IFI16: variants seen among roughly 807,000 people sequenced by gnomAD.
The protein encoded by IFI16 is interferon gamma inducible protein 16.
A neutral mutation model predicts 68.4 loss-of-function variants in IFI16; 49 were observed. The observed-to-expected ratio is 0.72, with a 90% CI of 0.57 to 0.91. The LOEUF is 0.91. Ranked by LOEUF, IFI16 falls within the 40% of genes least tolerant of loss-of-function variation. The pLI is 0.00. For missense variants in IFI16, 878 were observed against 942.9 expected, an observed-to-expected ratio of 0.93 and a Z score of 0.90; for synonymous variants, 307 against 315.0, an observed-to-expected ratio of 0.97 and a Z score of 0.27.
chr1:159,015,943 A>C lies in IFI16; in HGVS notation c.337A>C (p.Ser113Arg), dbSNP rs954756922. 1 of 1,614,090 alleles carries C rather than the reference A, an allele frequency of 6.2e-7. No homozygotes were observed. The change falls in exon 3 of 12, where the codon AGC becomes CGC. Residue 113 changes from serine (S) to arginine (R), a missense_variant. By Grantham distance (110) the Ser-to-Arg change is moderately radical. Coordinates refer to ENST00000295809, the MANE Select transcript of IFI16 (RefSeq NM_001376587.1). ...DATSPAPSTS[S>R]TVKTEGAEAT... is the part of the protein sequence containing the mutation. ...TACTTCACCTGCACCCTCCACAAGC[A>C]GCACTGTCAAAACTGAAGGAGCAGA...
At chr1:159,008,593 C>T (rs967569209), upstream of IFI16, among the ~76,000 whole-genome samples, 1 of 152,118 alleles carries the variant, frequency 6.6e-6, no homozygotes, top group Non-Finnish European at 1.5e-5. Flanking sequence ...GGGTTCTCTA[C>T]CCTTTGACCT....
At chr1:159,043,465 C>CTT (rs1365157752) in intron 7 of IFI16, among the ~76,000 whole-genome samples, 1 of 152,206 alleles carries the variant, frequency 6.6e-6, no homozygotes, top group Non-Finnish European at 1.5e-5. Context: ...TCCACCTAAA[C>CTT]ATACACCACG....
At chr1:159,034,851 C>A (rs950721071) in intron 7 of IFI16, among the ~76,000 whole-genome samples, 8 of 152,170 alleles carry the variant, frequency 5.3e-5, no homozygotes, top group African/African-American at 1.4e-4. Context: ...GTAGCGTCTA[C>A]CCCAGAGGAA....
upstream of IFI16, among the ~76,000 whole-genome samples, chr1:159,003,529 G>A (rs910797915): frequency 3.9e-5 from 6 of 152,054 alleles, no homozygotes; most frequent in South Asian, 2.1e-4. Flanking sequence ...CTGGAATCAC[G>A]TTTTGGCTCT....
chr1:159,013,011 T>A (rs2101801811), intron 1 of IFI16, among the ~76,000 whole-genome samples: 1 of 152,282 alleles, frequency 6.6e-6, no homozygotes, highest in South Asian at 2.1e-4. Flanking sequence ...TGAATCTTTG[T>A]AGGTGATCTA....
At chr1:159,051,462 T>C (rs1655352154) in intron 9 of IFI16, among the ~76,000 whole-genome samples, 1 of 152,236 alleles carries the variant, frequency 6.6e-6, no homozygotes, top group Non-Finnish European at 1.5e-5. Flanking sequence ...TCCACTCTCA[T>C]AAAACAATGA....
intron 7 of IFI16, among the ~76,000 whole-genome samples, chr1:159,034,319 C>G (rs571216682): frequency 6.6e-6 from 1 of 152,086 alleles, no homozygotes; most frequent in Non-Finnish European, 1.5e-5. Flanking sequence ...CATTGAGACC[C>G]TACTAGTCTC....
chr1:159,045,930 A>G lies in IFI16; in HGVS notation c.1497+466A>G, dbSNP rs149691876. Among the ~76,000 whole-genome samples, 1,428 of 151,228 alleles carry G rather than the reference A, an allele frequency of 9.4e-3. 59 individuals carry two copies. The highest frequency in any genetic ancestry group is 0.014 in the Non-Finnish European group (964 of 67,544). On this transcript the variant is annotated intron_variant, in intron 8 of 11. Transcript: ENST00000295809. Reference sequence around the variant, plus strand: ...TTTATCTAATGCCACATTTCAGTACATGGTCTTTCTGACTTTACACCTTTC... The same window carrying G: ...TTTATCTAATGCCACATTTCAGTACGTGGTCTTTCTGACTTTACACCTTTC...
rs1655483267 is a variant in IFI16 at position 159,053,495 on chromosome 1, T to A, written c.2086-38T>A. 7.1e-6 allele frequency: 10 copies of A among 1,408,110 alleles called. No homozygotes were observed. The East Asian group carries it at 2.3e-4, about 32-fold the overall frequency. The allele number at this position is 1,408,110 out of a possible 1,614,324, so 87.2% of individuals were successfully genotyped here. ...TTCTCATAGATTTGAAAATTATTGA[T>A]CCAGTTTCAGAAGATAAGTGTTAAT... On this transcript the variant is annotated intron_variant, in intron 10 of 11. Coordinates refer to ENST00000295809, the MANE Select transcript of IFI16 (RefSeq NM_001376587.1).
Position 159,018,220 on chromosome 1 carries a change from C to A in IFI16, c.550-9C>A. 1 of 1,610,784 alleles carries A rather than the reference C, an allele frequency of 6.2e-7. No individual in the cohort carries two copies. Among genetic ancestry groups the A allele is most frequent in the South Asian group, 1.1e-5 (1 of 90,912 alleles). On this transcript the variant is annotated splice_polypyrimidine_tract_variant and intron_variant, in intron 4 of 11. Transcript: ENST00000295809. ...ATTTTTCTTTGTTCTCCTGTGCTAT[C>A]ATACACAGAACCCGAAAACAGTGGC...
Position 159,055,036 on chromosome 1 carries a change from G to A in IFI16, c.*135G>A. ...TACTAGCTGTTAATCCTATGGAATGGGGTATTGGGAGTGCTTTTTTAATTT... is the reference window on the plus strand; with the variant it reads ...TACTAGCTGTTAATCCTATGGAATGAGGTATTGGGAGTGCTTTTTTAATTT... On this transcript the variant is annotated 3_prime_UTR_variant, in exon 12 of 12. Coordinates refer to ENST00000295809, the MANE Select transcript of IFI16 (RefSeq NM_001376587.1). 2 of 420,084 alleles carry A rather than the reference G, an allele frequency of 4.8e-6. No homozygotes were observed. Among genetic ancestry groups the A allele is most frequent in the Admixed American group, 4.3e-5 (1 of 23,510 alleles). 26.0% of individuals were successfully genotyped at this position (420,084 alleles called of 1,614,324 possible). A position where few individuals can be genotyped will look rare whatever the true frequency, so the allele number is the denominator to read the frequency against.
Position 159,018,546 on chromosome 1 carries a change from G to A in IFI16, c.867G>A (p.Glu289=). 6.2e-7 allele frequency: 1 copy of A among 1,613,760 alleles called. No individual in the cohort carries two copies. Among genetic ancestry groups the A allele is most frequent in the Non-Finnish European group, 8.5e-7 (1 of 1,179,678 alleles). The part of the protein sequence containing the change: ...VSEAGPNQTF[E]VPNKIINRAK... Reference sequence around the variant, plus strand: ...AAGCTGGTCCTAACCAAACGTTTGAGGTTCCAAATAAAATCATCAACAGAG... The same window carrying A: ...AAGCTGGTCCTAACCAAACGTTTGAAGTTCCAAATAAAATCATCAACAGAG... The change falls in exon 5 of 12, where the codon GAG becomes GAA. Residue 289 remains glutamate, a synonymous_variant. Coordinates refer to ENST00000295809, the MANE Select transcript of IFI16 (RefSeq NM_001376587.1).
At chr1:159,022,216 G>A (rs922411468) in intron 6 of IFI16, among the ~76,000 whole-genome samples, 3 of 151,954 alleles carry the variant, frequency 2.0e-5, no homozygotes, top group South Asian at 2.1e-4. Context: ...CGCCCGCCTC[G>A]GCCTCCCAAA....
chr1:159,032,863 CATA>C (rs1316652982), intron 7 of IFI16, among the ~76,000 whole-genome samples, 172 bp downstream of exon 7: 3 of 152,044 alleles, frequency 2.0e-5, no homozygotes, highest in Non-Finnish European at 4.4e-5. Context: ...AGCACCACAT[CATA>C]ATCTTTACTA....
upstream of IFI16, among the ~76,000 whole-genome samples, chr1:159,009,392 A>G (rs1248808776): frequency 1.3e-5 from 2 of 152,176 alleles, no homozygotes; most frequent in African/African-American, 2.4e-5. Context: ...ACAAATAGCG[A>G]TTTCATAGCA....
At chr1:159,004,702 A>G (rs1652188674), upstream of IFI16, among the ~76,000 whole-genome samples, 1 of 152,218 alleles carries the variant, frequency 6.6e-6, no homozygotes, top group Non-Finnish European at 1.5e-5. Context: ...AAAGAAAAAA[A>G]ATTCCCAAAA....
intron 6 of IFI16, among the ~76,000 whole-genome samples, chr1:159,028,736 CTTTT>C (rs1653815156): frequency 1.4e-5 from 2 of 142,154 alleles, no homozygotes; most frequent in Non-Finnish European, 3.0e-5. Flanking sequence ...TGGACTAGTT[CTTTT>C]AGCATTATGT....
At chr1:159,035,964 C>A (rs1008137855) in intron 7 of IFI16, among the ~76,000 whole-genome samples, 1 of 152,172 alleles carries the variant, frequency 6.6e-6, no homozygotes, top group South Asian at 2.1e-4. Flanking sequence ...AGATAATACT[C>A]CAAGGTACTC....
chr1:159,043,620 A>G lies in IFI16; in HGVS notation c.1330-1677A>G, dbSNP rs184086956. ...TTCTCCCAAGTAGTTTTTCTATAAT[A>G]GAGTTCTTTCTGACTTTTTAATTCA... On this transcript the variant is annotated intron_variant, in intron 7 of 11. Transcript: ENST00000295809. Among the ~76,000 whole-genome samples, 340 of 152,270 alleles carry G rather than the reference A, an allele frequency of 2.2e-3. 4 individuals carry two copies. The highest frequency in any genetic ancestry group is 7.8e-3 in the African/African-American group (326 of 41,542).
Sources: allele counts gnomAD v4.1 joint callset (sites outside exome capture counted in the v4.1 genomes callset), GRCh38; gene constraint gnomAD v4.1.1; transcripts MANE v1.5; gene names NCBI Gene and HGNC (gene_info 2026-07-23, HGNC 2026-07-21).